EVC2: variants seen among roughly 807,000 people sequenced by gnomAD.
The protein encoded by EVC2 is limbin.
In EVC2, 148 loss-of-function variants were observed where a neutral mutation model predicts 149.3. That is an observed-to-expected ratio of 0.99 (90% CI 0.87 to 1.14). The LOEUF (loss-of-function observed/expected upper bound fraction) is 1.14, where lower values mean the gene tolerates loss of function less well. EVC2 is among the 50% of genes most tolerant of loss of function. The probability of loss-of-function intolerance (pLI) is 0.00; values close to 1 mark genes in which losing one functional copy is unlikely to be tolerated. For missense variants in EVC2, 1,854 were observed against 1,627.3 expected (o/e 1.14, Z -2.40); for synonymous variants, 776 against 649.9 (o/e 1.19, Z -2.95).
intron 16 of EVC2, among the ~76,000 whole-genome samples, chr4:5,612,922 CAAAAAAA>C (rs34505528): frequency 1.9e-3 from 52 of 26,800 alleles, no homozygotes; most frequent in Non-Finnish European, 2.9e-3. Flanking sequence ...ACTCTGTCTC[CAAAAAAA>C]AAAAAAAAAA....
chr4:5,679,128 A>C lies in EVC2; in HGVS notation c.870+2132T>G, dbSNP rs1458863252. Among the ~76,000 whole-genome samples the C allele has an allele frequency of 6.6e-6, 1 of 151,766 alleles. No individual in the cohort carries two copies. The highest frequency in any genetic ancestry group is 1.5e-5 in the Non-Finnish European group (1 of 67,924). On this transcript the variant is annotated intron_variant, in intron 7 of 21. Coordinates refer to ENST00000344408, the MANE Select transcript of EVC2 (RefSeq NM_147127.5). This position sits in a 1 kb window ranked among gnomAD's most constrained non-coding sequence, Gnocchi z 5.1. ...CATAACTCGAGCTTGCAGGTCTGGA[A>C]GTTGCTCTGGGCCAGTCAGTGAGTG... is the stretch of plus-strand genomic sequence containing the variant.
chr4:5,690,122 T>G (rs868526230), intron 4 of EVC2, among the ~76,000 whole-genome samples: 3 of 152,238 alleles, frequency 2.0e-5, no homozygotes, highest in African/African-American at 7.2e-5. Context: ...GGTACATCTA[T>G]GTATACATGC....
Position 5,595,325 on chromosome 4 carries a change from C to T in EVC2, c.2830-10475G>A, listed in dbSNP as rs1370277421. Among the ~76,000 whole-genome samples the T allele has an allele frequency of 4.6e-5, 7 of 152,152 alleles. No individual in the cohort carries two copies. The East Asian group carries it at 9.7e-4, about 21-fold the overall frequency. On this transcript the variant is annotated intron_variant, in intron 16 of 21. Transcript: ENST00000344408. Reference sequence around the variant, plus strand: ...GTTAAGGGCAGCCAGAGAGAAAGGTCGGGTTACCCTCAAAGGGAAGCCCAT... The same window carrying T: ...GTTAAGGGCAGCCAGAGAGAAAGGTTGGGTTACCCTCAAAGGGAAGCCCAT...
chr4:5,611,448 C>T (rs183604944), intron 16 of EVC2, among the ~76,000 whole-genome samples: 1 of 152,144 alleles, frequency 6.6e-6, no homozygotes, highest in Admixed American at 6.5e-5. Context: ...TTTAATTATA[C>T]AAAGAGCCCT....
chr4:5,676,762 C>T (rs1235477648), intron 7 of EVC2, among the ~76,000 whole-genome samples: 1 of 152,234 alleles, frequency 6.6e-6, no homozygotes, highest in African/African-American at 2.4e-5. Flanking sequence ...TTCTCTCTCT[C>T]TCTGCTGTCA....
chr4:5,678,066 T>C (rs558986031), intron 7 of EVC2, among the ~76,000 whole-genome samples: 19 of 152,334 alleles, frequency 1.2e-4, no homozygotes, highest in Non-Finnish European at 1.8e-4. Flanking sequence ...GAGACTGGCA[T>C]CCTCTGAAAG....
At chr4:5,616,264 G>T (rs1715243303) in intron 15 of EVC2, among the ~76,000 whole-genome samples, 1 of 152,204 alleles carries the variant, frequency 6.6e-6, no homozygotes. Flanking sequence ...GAGCCTTGAG[G>T]TCATGTTGGA....
At chr4:5,530,503 A>T in the EVC2 span, among the ~76,000 whole-genome samples, 1 of 150,306 alleles carries the variant, frequency 6.7e-6, no homozygotes, top group Non-Finnish European at 1.5e-5. Context: ...CTAACATATG[A>T]ATCTCCTCAC....
intron 3 of EVC2, 127 bp from the exon 4 acceptor site, chr4:5,691,460 T>C (rs1247812696): frequency 4.2e-6 from 3 of 720,640 alleles, no homozygotes; most frequent in African/African-American, 3.6e-5. Context: ...CCTTAAGTAA[T>C]CTTGAAGTCT....
rs1443715107 is a variant in EVC2, at chr4:5,696,955, C to A, written c.283+638G>T. On this transcript the variant is annotated intron_variant, in intron 2 of 21. Coordinates refer to ENST00000344408, the MANE Select transcript of EVC2 (RefSeq NM_147127.5). This position sits in a 1 kb window ranked among gnomAD's most constrained non-coding sequence, Gnocchi z 4.1. ...AGATTGCCTGGATTATCCTGGTGGG[C>A]CCTAAATGTCATCACAGATGTCCTT... is the stretch of plus-strand genomic sequence containing the variant. Among the ~76,000 whole-genome samples, 2 of 152,100 alleles carry A rather than the reference C, an allele frequency of 1.3e-5. No individual in the cohort carries two copies. Among genetic ancestry groups the A allele is most frequent in the Non-Finnish European group, 2.9e-5 (2 of 68,026 alleles).
At chr4:5,572,613 G>A (rs894213995) in intron 19 of EVC2, among the ~76,000 whole-genome samples, 1 of 152,190 alleles carries the variant, frequency 6.6e-6, no homozygotes, top group Non-Finnish European at 1.5e-5. Context: ...CCAGAATTAT[G>A]AGAAAATTGA....
At chr4:5,701,084 T>C (rs1405442058) in intron 1 of EVC2, among the ~76,000 whole-genome samples, 1 of 152,342 alleles carries the variant, frequency 6.6e-6, no homozygotes, top group Non-Finnish European at 1.5e-5. Context: ...TTCCTCTCCT[T>C]TTCCAGCTTT....
intron 16 of EVC2, among the ~76,000 whole-genome samples, chr4:5,594,552 C>T (rs890965614): frequency 6.6e-6 from 1 of 152,022 alleles, no homozygotes; most frequent in Non-Finnish European, 1.5e-5. Context: ...GAAAGGACAC[C>T]CACACCAAAA....
intron 21 of EVC2, among the ~76,000 whole-genome samples, chr4:5,553,523 G>C (rs1258159297): frequency 6.6e-6 from 1 of 152,190 alleles, no homozygotes; most frequent in Non-Finnish European, 1.5e-5. Flanking sequence ...CAAATCTGTA[G>C]AGACAGAAAG....
rs2108838579 is a variant in EVC2, at chr4:5,622,632, AC to A, written c.2405del (p.Gly802ValfsTer5). 3.1e-6 allele frequency: 5 copies of A among 1,613,332 alleles called. No homozygotes were observed. The highest frequency in any genetic ancestry group is 3.4e-6 in the Non-Finnish European group (4 of 1,179,868). On this transcript the variant is annotated frameshift_variant, in exon 14 of 22. Transcript: ENST00000344408. LOFTEE classifies it high-confidence loss of function. The surrounding 1 kb of genome is among the most constrained non-coding windows in gnomAD (Gnocchi z 5.8). The part of the protein sequence containing the change: ...EGEERDRDQE[G>X]VQSVRQRLKD... Reference sequence around the variant, plus strand: ...TCAGTCTCTGCCTCACGCTCTGGACACCCTCCTGGTCCCTGTCCCTCTCCTC... The same window carrying A: ...TCAGTCTCTGCCTCACGCTCTGGACACCTCCTGGTCCCTGTCCCTCTCCTC...
At chr4:5,683,504 C>A (rs760164852) in intron 6 of EVC2, among the ~76,000 whole-genome samples, 1 of 152,190 alleles carries the variant, frequency 6.6e-6, no homozygotes, top group South Asian at 2.1e-4. Flanking sequence ...GCACCTATTA[C>A]GTGCAGGGTT....
intron 16 of EVC2, among the ~76,000 whole-genome samples, chr4:5,602,291 TAAAAAAAA>T (rs571933194): frequency 4.9e-5 from 4 of 81,698 alleles, no homozygotes; most frequent in African/African-American, 1.0e-4. Flanking sequence ...CATTGCCTCT[TAAAAAAAA>T]AAAAAAAAAA....
rs1161493464 is a variant in EVC2, at chr4:5,663,263, G to C, written c.1006-17C>G. 4.3e-5 allele frequency: 70 copies of C among 1,613,696 alleles called. No homozygotes were observed. The highest frequency in any genetic ancestry group is 5.5e-5 in the Non-Finnish European group (65 of 1,179,836). On this transcript the variant is annotated splice_polypyrimidine_tract_variant and intron_variant, in intron 8 of 21. Transcript: ENST00000344408. ...CTGCCAAACCTTCAGGAGAATTGCGGAAATAATAATTGATTGGGCCTTCTT... is the reference window on the plus strand; with the variant it reads ...CTGCCAAACCTTCAGGAGAATTGCGCAAATAATAATTGATTGGGCCTTCTT...
intron 9 of EVC2, among the ~76,000 whole-genome samples, chr4:5,649,839 A>T (rs1717983204): frequency 6.6e-6 from 1 of 152,064 alleles, no homozygotes; most frequent in Non-Finnish European, 1.5e-5. Flanking sequence ...CTCTGGGACC[A>T]TCAATCATGT....
Sources: allele counts gnomAD v4.1 joint callset (sites outside exome capture counted in the v4.1 genomes callset), GRCh38; gene constraint gnomAD v4.1.1; non-coding constraint Gnocchi (gnomAD v3.1); transcripts MANE v1.5; gene names NCBI Gene and HGNC (gene_info 2026-07-23, HGNC 2026-07-21).